Variants in CENPK observed in about 807,000 individuals in gnomAD.
CENPK encodes the protein centromere protein K.
Under a neutral mutation model 40.9 loss-of-function variants are expected in CENPK, and 46 were observed. The ratio of observed to expected loss-of-function variants is 1.13; its 90% confidence interval spans 0.89 to 1.44. The LOEUF (loss-of-function observed/expected upper bound fraction) is 1.44, where lower values mean the gene tolerates loss of function less well. Among genes scored for constraint, CENPK ranks in the 40% most tolerant of loss-of-function variants. The pLI, the probability that CENPK is intolerant of heterozygous loss-of-function variation, is 0.00. For missense variants in CENPK, 288 were observed against 303.5 expected (o/e 0.95, Z 0.38); for synonymous variants, 107 against 104.4 (o/e 1.02, Z -0.15).
chr5:65,561,948 A>G (rs535876382), intron 1 of CENPK, among the ~76,000 whole-genome samples: 1 of 152,322 alleles, frequency 6.6e-6, no homozygotes, highest in East Asian at 1.9e-4. Context: ...GTACTTGTAG[A>G]GCTTCCATTC....
At chr5:65,535,921 G>T (rs1746811523) in intron 6 of CENPK, among the ~76,000 whole-genome samples, 1 of 152,194 alleles carries the variant, frequency 6.6e-6, no homozygotes. Context: ...GGCGGGTAAA[G>T]TTTGATGTCA....
intron 5 of CENPK, chr5:65,551,249 CAAAAAAAAAAAA>C: frequency 1.9e-5 from 2 of 107,014 alleles, no homozygotes; most frequent in South Asian, 9.6e-5. Context: ...GACCCTGTCT[CAAAAAAAAAAAA>C]AAAAAAAAAA....
intron 5 of CENPK, among the ~76,000 whole-genome samples, chr5:65,544,328 A>G (rs1748510814): frequency 6.6e-6 from 1 of 152,186 alleles, no homozygotes. Flanking sequence ...TTTAACATGA[A>G]TTTTGGGGGA....
chr5:65,514,507 C>T (rs144678539), downstream of CENPK, among the ~76,000 whole-genome samples: 3 of 152,164 alleles, frequency 2.0e-5, no homozygotes, highest in East Asian at 3.9e-4. Context: ...CCTCGTGATC[C>T]GCCCACCTCA....
At chr5:65,515,735 T>C (rs911523654), downstream of CENPK, among the ~76,000 whole-genome samples, 2 of 152,236 alleles carry the variant, frequency 1.3e-5, no homozygotes, top group African/African-American at 2.4e-5. Context: ...TATCACCATA[T>C]ATTGCCTCTC....
At chr5:65,500,426 T>C in the CENPK span, among the ~76,000 whole-genome samples, 5 of 143,238 alleles carry the variant, frequency 3.5e-5, no homozygotes, top group Non-Finnish European at 1.5e-5. Flanking sequence ...CCAGTGATGA[T>C]GAGCATTTCT....
At chr5:65,502,304 G>C in the CENPK span, among the ~76,000 whole-genome samples, 1 of 152,134 alleles carries the variant, frequency 6.6e-6, no homozygotes, top group African/African-American at 2.4e-5. Flanking sequence ...CATCCAGTCT[G>C]GTACGTATAA....
Position 65,518,554 on chromosome 5 carries a change from T to G in CENPK, c.731A>C (p.Glu244Ala). 6.2e-7 allele frequency: 1 copy of G among 1,613,184 alleles called. No individual in the cohort carries two copies. The part of the protein sequence containing the change: ...ISDSFWPPYV[E>A]LLLRNGIALR... ...GGCAATTCCATTACGCAGCAGCAGC[T>G]CAACATAAGGTGGCCAAAAGGAATC... The change falls in exon 11 of 11, where the codon GAG becomes GCG. Residue 244 changes from glutamate (E) to alanine (A), a missense_variant. Physicochemically the swap from Glu to Ala is moderately radical, Grantham distance 107. Transcript: ENST00000396679.
chr5:65,541,147 T>C (rs960432732), intron 6 of CENPK, among the ~76,000 whole-genome samples: 6 of 152,148 alleles, frequency 3.9e-5, no homozygotes, highest in Admixed American at 1.3e-4. Flanking sequence ...ATATCTCTTA[T>C]GACACCTGAG....
chr5:65,509,716 A>G, the CENPK span, among the ~76,000 whole-genome samples: 1 of 152,234 alleles, frequency 6.6e-6, no homozygotes, highest in Non-Finnish European at 1.5e-5. Flanking sequence ...CTTTACAGAC[A>G]GATATTGTCT....
intron 6 of CENPK, among the ~76,000 whole-genome samples, chr5:65,535,167 G>A (rs191046330): frequency 1.4e-4 from 21 of 152,278 alleles, no homozygotes; most frequent in Admixed American, 1.2e-3. Flanking sequence ...CTGAGGTCAA[G>A]GTTACAACGA....
chr5:65,549,713 C>T (rs1164191075), intron 5 of CENPK, among the ~76,000 whole-genome samples: 1 of 152,190 alleles, frequency 6.6e-6, no homozygotes, highest in East Asian at 1.9e-4. Flanking sequence ...TCTTCTGCAG[C>T]TTCCTCATCT....
chr5:65,507,269 A>G, the CENPK span, among the ~76,000 whole-genome samples: 2 of 152,216 alleles, frequency 1.3e-5, no homozygotes, highest in African/African-American at 2.4e-5. Flanking sequence ...AAATTTCTCC[A>G]AAGTTCCTCA....
intron 10 of CENPK, among the ~76,000 whole-genome samples, chr5:65,520,144 C>T (rs1376161985): frequency 6.6e-6 from 1 of 152,166 alleles, no homozygotes; most frequent in African/African-American, 2.4e-5. Context: ...AGCAAATCCC[C>T]TTGGTGCTGT....
intron 6 of CENPK, 76 bp from the exon 7 acceptor site, chr5:65,529,275 C>T (rs1017576): frequency 0.73 from 674,812 of 924,732 alleles, 248,398 homozygotes; most frequent in East Asian, 0.89. Context: ...CAAATTTACA[C>T]AGTGGTCCAG....
rs148647927 is a variant in CENPK at position 65,544,679 on chromosome 5, C to A, written c.242-1831G>T. Among the ~76,000 whole-genome samples the A allele has an allele frequency of 5.9e-4, 90 of 152,170 alleles. 1 individual carries two copies. Among genetic ancestry groups the A allele is most frequent in the Middle Eastern group, 3.4e-3 (1 of 294 alleles). ...ATAAGCAAACTGTGGTATATACATACAATGAAATACTATTCAGCCTTAAAA... is the reference window on the plus strand; with the variant it reads ...ATAAGCAAACTGTGGTATATACATAAAATGAAATACTATTCAGCCTTAAAA... On this transcript the variant is annotated intron_variant, in intron 5 of 10. Coordinates refer to ENST00000396679, the MANE Select transcript of CENPK (RefSeq NM_022145.5).
At chr5:65,509,956 T>C in the CENPK span, among the ~76,000 whole-genome samples, 3 of 152,226 alleles carry the variant, frequency 2.0e-5, no homozygotes, top group Non-Finnish European at 4.4e-5. Context: ...ACTTAAATAA[T>C]AAATGTTGTG....
At chr5:65,508,160 CA>C in the CENPK span, among the ~76,000 whole-genome samples, 1 of 152,138 alleles carries the variant, frequency 6.6e-6, no homozygotes, top group African/African-American at 2.4e-5. Flanking sequence ...GTAAGAAATA[CA>C]AAATACAATT....
intron 5 of CENPK, among the ~76,000 whole-genome samples, chr5:65,544,774 A>G (rs1023909100): frequency 7.9e-5 from 12 of 152,328 alleles, no homozygotes; most frequent in African/African-American, 2.9e-4. Flanking sequence ...AAAATAAGCC[A>G]CCCACAAAAA....
Sources: gnomAD v4.1 joint callset for allele counts (sites outside exome capture counted in the v4.1 genomes callset) on GRCh38, gnomAD v4.1.1 for gene constraint, MANE v1.5 for transcripts, NCBI Gene and HGNC (gene_info 2026-07-23, HGNC 2026-07-21) for gene names.